The following BANK1 variants were observed in gnomAD, a reference collection of about 807,000 sequenced individuals.
BANK1 encodes B cell scaffold protein with ankyrin repeats 1, also known as B-cell scaffold protein with ankyrin repeats.
A neutral mutation model predicts 94.5 loss-of-function variants in BANK1; 95 were observed. The observed-to-expected ratio is 1.00, with a 90% CI of 0.85 to 1.19. The LOEUF is 1.19. BANK1 is among the 50% of genes most tolerant of loss of function. The pLI is 0.00. For synonymous variants in BANK1, 334 were observed against 308.4 expected (o/e 1.08, Z -0.87); for missense variants, 987 against 932.2 (o/e 1.06, Z -0.77).
chr4:102,041,958 G>A (rs1309025742), intron 10 of BANK1, among the ~76,000 whole-genome samples: 1 of 151,904 alleles, frequency 6.6e-6, no homozygotes, highest in Non-Finnish European at 1.5e-5. Context: ...TCATTTCCAA[G>A]TACTTTGTAG....
At chr4:101,872,819 C>G (rs1728343748) in intron 5 of BANK1, among the ~76,000 whole-genome samples, 1 of 152,016 alleles carries the variant, frequency 6.6e-6, no homozygotes, top group Non-Finnish European at 1.5e-5. Context: ...AAAACCCCAT[C>G]TCTACTAAAA....
intron 7 of BANK1, among the ~76,000 whole-genome samples, chr4:101,956,569 A>T (rs1225694645): frequency 6.6e-6 from 1 of 152,146 alleles, no homozygotes; most frequent in African/African-American, 2.4e-5. Context: ...TAACAGATCT[A>T]GAATGTAGCA....
At chr4:102,010,573 A>G (rs1346477314) in intron 7 of BANK1, among the ~76,000 whole-genome samples, 1 of 151,666 alleles carries the variant, frequency 6.6e-6, no homozygotes, top group East Asian at 2.0e-4. Flanking sequence ...TTGTGTTTTT[A>G]GTAGAGACAG....
At chr4:102,017,610 A>G (rs72931988) in intron 7 of BANK1, among the ~76,000 whole-genome samples, 5 of 152,140 alleles carry the variant, frequency 3.3e-5, no homozygotes, top group African/African-American at 4.8e-5. Context: ...ACCATTTTCA[A>G]TTCTGCCTTC....
intron 13 of BANK1, among the ~76,000 whole-genome samples, chr4:102,069,941 T>A (rs537809777): frequency 6.6e-6 from 1 of 152,236 alleles, no homozygotes; most frequent in African/African-American, 2.4e-5. Flanking sequence ...TCTGGAATTC[T>A]AGATAAAACT....
chr4:102,046,017 G>T (rs1727866403), intron 11 of BANK1, among the ~76,000 whole-genome samples: 1 of 148,044 alleles, frequency 6.8e-6, no homozygotes, highest in Non-Finnish European at 1.5e-5. Flanking sequence ...AAAGCTGGAG[G>T]CATCACGCTA....
Position 101,842,118 on chromosome 4 carries a change from T to A in BANK1, c.469+11912T>A, listed in dbSNP as rs1243585149. On this transcript the variant is annotated intron_variant, in intron 2 of 16. Transcript: ENST00000322953. ...CAAATAATATCTCCTCAAACATTGT[T>A]ATTTGACAGATTGTGAAATTGAAAT... Among the ~76,000 whole-genome samples, 9 of 152,322 alleles carry A rather than the reference T, an allele frequency of 5.9e-5. No individual in the cohort carries two copies. In the East Asian group the frequency reaches 1.7e-3, roughly 29 times the overall value.
At chr4:101,835,866 G>A (rs558750395) in intron 2 of BANK1, among the ~76,000 whole-genome samples, 10 of 152,250 alleles carry the variant, frequency 6.6e-5, no homozygotes, top group African/African-American at 2.4e-4. Flanking sequence ...TAGGGTAATT[G>A]TATCATTCAC....
At chr4:101,847,371 GT>G (rs903819103) in intron 2 of BANK1, among the ~76,000 whole-genome samples, 4 of 151,558 alleles carry the variant, frequency 2.6e-5, no homozygotes, top group African/African-American at 4.9e-5. Context: ...TCTCTTTTTA[GT>G]TTTTTTTACT....
At position 101,790,917 on chromosome 4, in the gene BANK1, C is replaced by T. The variant is rs1454848997; in HGVS notation, c.37C>T (p.Pro13Ser). The stretch of plus-strand genomic sequence containing the variant: ...AGCGCCAGGCAAGGGGCTTGGGAGC[C>T]CGGACCCCGCCCCCTGCGGCCCAGC... ...PAAPGKGLGSPDPAPCGPAPP... is the reference protein window; with the variant it reads ...PAAPGKGLGSSDPAPCGPAPP... Residue 13 changes from proline (P) to serine (S), a missense_variant, in exon 1 of 17, where the codon CCG becomes TCG. Transcript: ENST00000322953. 4 of 1,535,720 alleles carry T rather than the reference C, an allele frequency of 2.6e-6. No individual in the cohort carries two copies. The highest frequency in any genetic ancestry group is 1.4e-5 in the African/African-American group (1 of 72,378).
chr4:102,044,879 G>T (rs1727827201), intron 11 of BANK1, among the ~76,000 whole-genome samples: 1 of 125,616 alleles, frequency 8.0e-6, no homozygotes, highest in Non-Finnish European at 1.7e-5. Flanking sequence ...TGATGGGGTT[G>T]TTTGTTTTTT....
At chr4:101,824,823 T>G (rs1726303268) in intron 1 of BANK1, among the ~76,000 whole-genome samples, 1 of 152,106 alleles carries the variant, frequency 6.6e-6, no homozygotes, top group African/African-American at 2.4e-5. Flanking sequence ...AAGAAGAAAA[T>G]CTGCCATTTG....
In BANK1 at chr4:101,838,305, A is replaced by G. The variant is rs147668837; in HGVS notation, c.469+8099A>G. On this transcript the variant is annotated intron_variant, in intron 2 of 16. Coordinates refer to ENST00000322953, the MANE Select transcript of BANK1 (RefSeq NM_017935.5). ...TTCTTATTATGAATGTATACACCCT[A>G]TTTCTGAGTTCTACTGCCTCCTTTT... Among the ~76,000 whole-genome samples the G allele has an allele frequency of 1.4e-4, 21 of 152,188 alleles. No homozygotes were observed. The East Asian group carries it at 3.3e-3, about 24-fold the overall frequency.
At chr4:101,813,826 C>T in intron 1 of BANK1, 1 of 984,326 alleles carries the variant, frequency 1.0e-6, no homozygotes, top group Non-Finnish European at 1.2e-6. Context: ...AATTTCCCTT[C>T]TGGCCAACAA....
chr4:101,992,562 T>C lies in BANK1; in HGVS notation c.1207-28952T>C, dbSNP rs73834542. On this transcript the variant is annotated intron_variant, in intron 7 of 16. Transcript: ENST00000322953. The stretch of plus-strand genomic sequence containing the variant: ...ATAGAAACCATGTTAGAAAAGTTCA[T>C]AGAAACCATGTTAGAAAAGCACATA... Among the ~76,000 whole-genome samples, 364 of 152,312 alleles carry C rather than the reference T, an allele frequency of 2.4e-3. 1 individual carries two copies. Among genetic ancestry groups the C allele is most frequent in the African/African-American group, 7.8e-3 (325 of 41,580 alleles).
chr4:102,062,196 A>C (rs1420938489), intron 12 of BANK1: 1 of 152,188 alleles, frequency 6.6e-6, no homozygotes, highest in African/African-American at 2.4e-5. Flanking sequence ...GGAAACTAAG[A>C]AAAAAATGGC....
intron 7 of BANK1, among the ~76,000 whole-genome samples, chr4:101,935,793 G>A (rs1159075801): frequency 6.6e-6 from 1 of 151,432 alleles, no homozygotes; most frequent in Non-Finnish European, 1.5e-5. Flanking sequence ...TCACAAAGGT[G>A]CTAAGAATAT....
intron 7 of BANK1, among the ~76,000 whole-genome samples, chr4:101,959,392 C>T (rs1267665918): frequency 6.6e-6 from 1 of 152,132 alleles, no homozygotes; most frequent in Admixed American, 6.6e-5. Context: ...CCCTCCTCGG[C>T]CTCCCAAAGT....
intron 1 of BANK1, among the ~76,000 whole-genome samples, chr4:101,818,996 A>G (rs184025860): frequency 6.6e-6 from 1 of 151,418 alleles, no homozygotes; most frequent in Admixed American, 6.6e-5. Flanking sequence ...TGCTATGTAT[A>G]TGCATTATCA....
Sources: gnomAD v4.1 joint callset for allele counts (sites outside exome capture counted in the v4.1 genomes callset) on GRCh38, gnomAD v4.1.1 for gene constraint, MANE v1.5 for transcripts, NCBI Gene and HGNC (gene_info 2026-07-23, HGNC 2026-07-21) for gene names.